NFASC: variants seen among roughly 807,000 people sequenced by gnomAD.
NFASC encodes the protein neurofascin.
Under a neutral mutation model 147.5 loss-of-function variants are expected in NFASC, and 43 were observed. That is an observed-to-expected ratio of 0.29 (90% CI 0.23 to 0.38). The LOEUF (loss-of-function observed/expected upper bound fraction) is 0.38, where lower values mean the gene tolerates loss of function less well. NFASC is among the 10% of genes least tolerant of loss of function. The pLI is 1.00. For synonymous variants in NFASC, 622 were observed against 665.5 expected, an observed-to-expected ratio of 0.93 and a Z score of 1.01; for missense variants, 1,320 against 1,689.0, an observed-to-expected ratio of 0.78 and a Z score of 3.83.
intron 1 of NFASC, among the ~76,000 whole-genome samples, chr1:204,880,871 A>G (rs2080064649): frequency 1.3e-5 from 2 of 152,328 alleles, no homozygotes; most frequent in Admixed American, 6.5e-5. Context: ...TATCATGTCC[A>G]TTTGCACCTT....
At chr1:204,996,545 AG>A (rs1461648191) in intron 24 of NFASC, among the ~76,000 whole-genome samples, 2 of 152,162 alleles carry the variant, frequency 1.3e-5, no homozygotes, top group African/African-American at 2.4e-5. Flanking sequence ...ATGACCGAGG[AG>A]AGCCAAGACC....
chr1:204,919,453 T>G (rs2090024410), intron 1 of NFASC, among the ~76,000 whole-genome samples: 1 of 152,242 alleles, frequency 6.6e-6, no homozygotes, highest in South Asian at 2.1e-4. Flanking sequence ...TATTAAACAT[T>G]ATTTTCTATC....
chr1:204,948,540 A>G, intron 3 of NFASC: 1 of 516,046 alleles, frequency 1.9e-6, no homozygotes. Context: ...CTGAGGCCCC[A>G]GCTGGCTCGC....
chr1:205,018,086 C>T lies in NFASC; in HGVS notation c.*1547C>T, dbSNP rs2096375919. The T allele has an allele frequency of 1.3e-5, 2 of 152,842 alleles. No individual in the cohort carries two copies. The highest frequency in any genetic ancestry group is 4.8e-5 in the African/African-American group (2 of 41,462). The allele number at this position is 152,842 out of a possible 1,614,324, so 9.5% of individuals were successfully genotyped here. A position where few individuals can be genotyped will look rare whatever the true frequency, so the allele number is the denominator to read the frequency against. ...GCAGTTCTCAGACCGAAGGTGCTGCCTTCATCCTCCCCACCTAATGCATTT... is the reference window on the plus strand; with the variant it reads ...GCAGTTCTCAGACCGAAGGTGCTGCTTTCATCCTCCCCACCTAATGCATTT... On this transcript the variant is annotated 3_prime_UTR_variant, in exon 30 of 30. Transcript: ENST00000339876.
chr1:204,993,733 C>G (rs765097313), intron 24 of NFASC: 10 of 515,264 alleles, frequency 1.9e-5, no homozygotes, highest in Admixed American at 5.9e-5. Context: ...ACCTGTAGCT[C>G]CTATTGCGGC....
chr1:204,871,245 G>C (rs2077632243), intron 1 of NFASC, among the ~76,000 whole-genome samples: 1 of 152,206 alleles, frequency 6.6e-6, no homozygotes, highest in Non-Finnish European at 1.5e-5. Context: ...CCAGGGAGTG[G>C]ATTGGTTGGG....
chr1:205,016,189 G>C lies in NFASC; in HGVS notation c.3492-119G>C. On this transcript the variant is annotated intron_variant, in intron 29 of 29. Transcript: ENST00000339876. This position sits in a 1 kb window ranked among gnomAD's most constrained non-coding sequence, Gnocchi z 5.1. ...GGCTGGACAGGGGAGGGTGAAGCGG[G>C]GGCTGGACTGGGCGGTCTCCTGGAT... 1.4e-6 allele frequency: 1 copy of C among 727,348 alleles called. No homozygotes were observed. Among genetic ancestry groups the C allele is most frequent in the Non-Finnish European group, 2.5e-6 (1 of 407,290 alleles). The allele number at this position is 727,348 out of a possible 1,614,324, so 45.1% of individuals were successfully genotyped here.
chr1:204,857,438 A>C (rs1181269658), intron 1 of NFASC, among the ~76,000 whole-genome samples: 1 of 152,066 alleles, frequency 6.6e-6, no homozygotes, highest in Non-Finnish European at 1.5e-5. Context: ...ATAACCCAAA[A>C]TATATGCAGT....
Position 204,875,344 on chromosome 1 carries a change from C to T in NFASC, c.-199-45288C>T, listed in dbSNP as rs1045766672. 2.0e-5 allele frequency among the ~76,000 whole-genome samples: 3 copies of T among 152,214 alleles called. No homozygotes were observed. In the East Asian group the frequency reaches 5.8e-4, roughly 29 times the overall value. Reference sequence around the variant, plus strand: ...GGAGACCCCAGCCTTCCACTGTTTTCCACTGGTCTAACCTCCAGGTTAGAC... The same window carrying T: ...GGAGACCCCAGCCTTCCACTGTTTTTCACTGGTCTAACCTCCAGGTTAGAC... On this transcript the variant is annotated intron_variant, in intron 1 of 29. Transcript: ENST00000339876.
At chr1:204,938,984 G>T (rs1377913908) in intron 2 of NFASC, among the ~76,000 whole-genome samples, 2 of 149,746 alleles carry the variant, frequency 1.3e-5, no homozygotes, top group African/African-American at 2.5e-5. Flanking sequence ...ACTTAACATG[G>T]CAGAACATGT....
chr1:204,885,112 C>T (rs1351804288), intron 1 of NFASC, among the ~76,000 whole-genome samples: 1 of 152,008 alleles, frequency 6.6e-6, no homozygotes, highest in Non-Finnish European at 1.5e-5. Flanking sequence ...ATGAGACCCC[C>T]ATCTTTTTTT....
At chr1:204,983,951 G>A (rs1370397601) in intron 21 of NFASC, 3 of 973,080 alleles carry the variant, frequency 3.1e-6, no homozygotes, top group African/African-American at 1.6e-5. Context: ...TGCAGGTACA[G>A]GCCAGCAGAG....
intron 1 of NFASC, among the ~76,000 whole-genome samples, chr1:204,883,244 G>T (rs12022103): frequency 6.6e-6 from 1 of 152,144 alleles, no homozygotes; most frequent in African/African-American, 2.4e-5. Context: ...GCTGAAACAC[G>T]GCAGCCTGAC....
intron 21 of NFASC, among the ~76,000 whole-genome samples, chr1:204,982,794 G>A (rs1388742546): frequency 2.6e-5 from 4 of 152,226 alleles, no homozygotes; most frequent in East Asian, 1.9e-4. Context: ...GGGTCTGATC[G>A]GAGAAGTGAT....
chr1:204,978,754 T>G (rs1222808968), intron 17 of NFASC, among the ~76,000 whole-genome samples: 4 of 150,826 alleles, frequency 2.7e-5, no homozygotes, highest in South Asian at 2.1e-4. Flanking sequence ...ATATTCTTTG[T>G]GGGGGGGGGC....
rs1394189365 is a variant in NFASC, at chr1:204,985,834, G to A, written c.2471-1584G>A. On this transcript the variant is annotated intron_variant, in intron 21 of 29. Transcript: ENST00000339876. ...GGCTGTAGCAAGCAAAGGAAAGACC[G>A]GTCACTACCACCACCACTAACAACT... 22 of 905,780 alleles carry A rather than the reference G, an allele frequency of 2.4e-5. 1 individual carries two copies. Among genetic ancestry groups the A allele is most frequent in the African/African-American group, 4.9e-5 (3 of 60,914 alleles). The allele number at this position is 905,780 out of a possible 1,614,324, so 56.1% of individuals were successfully genotyped here.
At position 204,906,782 on chromosome 1, in the gene NFASC, A is replaced by G; in HGVS notation, c.-199-13850A>G. Among the ~76,000 whole-genome samples, 2 of 138,826 alleles carry G rather than the reference A, an allele frequency of 1.4e-5. 1 individual carries two copies. Among genetic ancestry groups the G allele is most frequent in the Admixed American group, 1.4e-4 (2 of 14,058 alleles). 91.1% of individuals were successfully genotyped at this position (138,826 alleles called of 152,430 possible). A position where few individuals can be genotyped will look rare whatever the true frequency, so the allele number is the denominator to read the frequency against. On this transcript the variant is annotated intron_variant, in intron 1 of 29. Coordinates refer to ENST00000339876, the MANE Select transcript of NFASC (RefSeq NM_001005388.3). ...ACTGCAAGCTCCGCCTCCCGGGCTC[A>G]TGCCATTCTCCTGCCTCAGCCTCCC...
intron 21 of NFASC, among the ~76,000 whole-genome samples, chr1:204,983,479 G>A (rs947545849): frequency 2.0e-5 from 3 of 152,156 alleles, no homozygotes; most frequent in African/African-American, 4.8e-5. Flanking sequence ...CTCCATGGAC[G>A]GGGATAGATG....
chr1:205,014,313 G>A (rs1386964849), intron 29 of NFASC, among the ~76,000 whole-genome samples: 2 of 152,172 alleles, frequency 1.3e-5, no homozygotes, highest in Non-Finnish European at 2.9e-5. Context: ...CTCTGCTTTG[G>A]CTCTGGAAGG....
Sources: gnomAD v4.1 joint callset for allele counts (sites outside exome capture counted in the v4.1 genomes callset) on GRCh38, gnomAD v4.1.1 for gene constraint, Gnocchi (gnomAD v3.1) non-coding constraint, MANE v1.5 for transcripts, NCBI Gene and HGNC (gene_info 2026-07-23, HGNC 2026-07-21) for gene names.